Variants in B3GALNT2 observed in about 807,000 individuals in gnomAD.
The protein encoded by B3GALNT2 is UDP-GalNAc:beta-1,3-N-acetylgalactosaminyltransferase 2.
A neutral mutation model predicts 61.1 loss-of-function variants in B3GALNT2; 53 were observed. The ratio of observed to expected loss-of-function variants is 0.87; its 90% CI spans 0.70 to 1.09. B3GALNT2 has a LOEUF of 1.09. B3GALNT2 is among the 50% of genes least tolerant of loss of function. B3GALNT2 has a pLI of 0.00. For missense variants in B3GALNT2, 544 were observed against 623.0 expected, an observed-to-expected ratio of 0.87 and a Z score of 1.35; for synonymous variants, 223 against 237.4, an observed-to-expected ratio of 0.94 and a Z score of 0.56.
At chr1:235,496,684 T>C (rs568719265) in intron 1 of B3GALNT2, among the ~76,000 whole-genome samples, 12 of 151,988 alleles carry the variant, frequency 7.9e-5, no homozygotes, top group Non-Finnish European at 1.0e-4. Context: ...TAGCTGGGAT[T>C]ATAGGCGCCT....
At position 235,453,126 on chromosome 1, in the gene B3GALNT2, GC is replaced by G. The variant is rs1487260144; in HGVS notation, c.1331del (p.Gly444AlafsTer7). The G allele has an allele frequency of 3.1e-6, 5 of 1,612,826 alleles. No homozygotes were observed. The highest frequency in any genetic ancestry group is 4.2e-6 in the Non-Finnish European group (5 of 1,178,968). ...TAGGTCCTATGGCAGCCATCCAGATGCCCATGCTTACATCTTCACCCTATAC... is the reference window on the plus strand; with the variant it reads ...TAGGTCCTATGGCAGCCATCCAGATGCCATGCTTACATCTTCACCCTATAC... ...KTYQGEDVSM[G>X]IWMAAIGPKR... On this transcript the variant is annotated frameshift_variant, in exon 11 of 12. Transcript: ENST00000366600. LOFTEE classifies it high-confidence loss of function.
Position 235,448,545 on chromosome 1 carries a change from G to A in B3GALNT2, c.*1661C>T, listed in dbSNP as rs1682636900. On this transcript the variant is annotated 3_prime_UTR_variant, in exon 12 of 12. Coordinates refer to ENST00000366600, the MANE Select transcript of B3GALNT2 (RefSeq NM_152490.5). ...CAGTTTGATTCTAAATGGAGACCAT[G>A]GGTCTGTTTGTTTGATTTTAAGGGT... 4 of 1,388,284 alleles carry A rather than the reference G, an allele frequency of 2.9e-6. No individual in the cohort carries two copies. Among genetic ancestry groups the A allele is most frequent in the Non-Finnish European group, 4.1e-6 (4 of 974,936 alleles). The allele number at this position is 1,388,284 out of a possible 1,614,324, so 86.0% of individuals were successfully genotyped here.
intron 5 of B3GALNT2, among the ~76,000 whole-genome samples, chr1:235,473,442 A>G (rs996505202): frequency 1.3e-5 from 2 of 152,242 alleles, no homozygotes; most frequent in Admixed American, 1.3e-4. Flanking sequence ...GAGAGTGACG[A>G]TAACTCTCAT....
chr1:235,455,025 G>T (rs1683097884), intron 9 of B3GALNT2, among the ~76,000 whole-genome samples: 1 of 152,040 alleles, frequency 6.6e-6, no homozygotes, highest in Admixed American at 6.5e-5. Context: ...TATTTCTTTG[G>T]CATAAGAATA....
At chr1:235,474,966 TATATATATATATATATA>T (rs1684178934) in intron 5 of B3GALNT2, among the ~76,000 whole-genome samples, 2 of 25,962 alleles carry the variant, frequency 7.7e-5, no homozygotes, top group African/African-American at 4.5e-4. Flanking sequence ...TATATATATA[TATATATATATATATATA>T]TATATTTTTT....
In B3GALNT2 at chr1:235,448,192, T is replaced by C. The variant is rs568999435; in HGVS notation, c.*2014A>G. Among the ~76,000 whole-genome samples the C allele has an allele frequency of 7.0e-6, 1 of 143,638 alleles. No homozygotes were observed. The highest frequency in any genetic ancestry group is 2.0e-4 in the East Asian group (1 of 5,032). The allele number at this position is 143,638 out of a possible 152,430, so 94.2% of individuals were successfully genotyped here. ...TCCAGCCTGGGCGACAGAGCAAGAC[T>C]TACTTAAGTAAGTAAGTAAGTCAGT... is the stretch of plus-strand genomic sequence containing the variant. On this transcript the variant is annotated 3_prime_UTR_variant, in exon 12 of 12. Transcript: ENST00000366600.
In B3GALNT2 at chr1:235,480,130, C is replaced by G. The variant is rs201345883; in HGVS notation, c.575G>C (p.Arg192Pro). The change falls in exon 5 of 12, where the codon CGC becomes CCC. Residue 192 changes from arginine (R) to proline (P), a missense_variant. Transcript: ENST00000366600. Reference sequence around the variant, plus strand: ...CACACCACAGCTTGGAGGACTGAAGCGAGCAATGAAGAGGGCCTCCTACAA... The same window carrying G: ...CACACCACAGCTTGGAGGACTGAAGGGAGCAATGAAGAGGGCCTCCTACAA... ...AEQEEALFIA[R>P]FSPPSCGVQV... 6.2e-7 allele frequency: 1 copy of G among 1,613,626 alleles called. No individual in the cohort carries two copies. Among genetic ancestry groups the G allele is most frequent in the South Asian group, 1.1e-5 (1 of 91,038 alleles).
intron 1 of B3GALNT2, among the ~76,000 whole-genome samples, chr1:235,498,332 A>G (rs184222913): frequency 4.6e-5 from 7 of 152,348 alleles, no homozygotes; most frequent in Non-Finnish European, 7.3e-5. Context: ...GGTAAGAAGT[A>G]AACATGATAC....
intron 1 of B3GALNT2, among the ~76,000 whole-genome samples, chr1:235,495,151 G>A (rs1173529652): frequency 6.6e-6 from 1 of 152,170 alleles, no homozygotes; most frequent in East Asian, 1.9e-4. Flanking sequence ...GGCATTAAGA[G>A]TCAATTAGGC....
intron 1 of B3GALNT2, among the ~76,000 whole-genome samples, chr1:235,501,321 T>C (rs551804009): frequency 6.6e-6 from 1 of 152,300 alleles, no homozygotes; most frequent in Admixed American, 6.5e-5. Flanking sequence ...AGGGAACCTA[T>C]CACATTAAAA....
intron 1 of B3GALNT2, among the ~76,000 whole-genome samples, chr1:235,503,744 G>C (rs1050683947): frequency 3.5e-5 from 5 of 144,664 alleles, no homozygotes; most frequent in South Asian, 4.8e-4. Context: ...CAACAACTTG[G>C]GGGGGAAGAA....
intron 1 of B3GALNT2, among the ~76,000 whole-genome samples, chr1:235,503,695 A>G (rs1558449413): frequency 6.6e-6 from 1 of 152,224 alleles, no homozygotes; most frequent in Non-Finnish European, 1.5e-5. Context: ...CACACACATT[A>G]TCCACGGCAC....
chr1:235,481,885 C>T (rs543434756), intron 4 of B3GALNT2, among the ~76,000 whole-genome samples: 3 of 152,246 alleles, frequency 2.0e-5, no homozygotes, highest in African/African-American at 7.2e-5. Flanking sequence ...CTACTCTTCC[C>T]TCTGTCTTAT....
intron 5 of B3GALNT2, among the ~76,000 whole-genome samples, chr1:235,476,546 T>C (rs932964179): frequency 3.7e-4 from 56 of 151,862 alleles, no homozygotes; most frequent in African/African-American, 1.3e-3. Context: ...CACACCCATC[T>C]GTACAAGAAA....
At chr1:235,466,607 G>C (rs992319998) in intron 6 of B3GALNT2, among the ~76,000 whole-genome samples, 3 of 151,674 alleles carry the variant, frequency 2.0e-5, no homozygotes. Context: ...CTCCCGCCTC[G>C]GTCTCCCAAA....
intron 7 of B3GALNT2, among the ~76,000 whole-genome samples, chr1:235,461,574 T>C (rs915220730): frequency 2.3e-5 from 3 of 131,828 alleles, no homozygotes; most frequent in African/African-American, 8.7e-5. Context: ...TGGAGTGCAG[T>C]AGCGCTATCT....
At chr1:235,480,200 C>T (rs1207408620) in intron 4 of B3GALNT2, 51 bp from the exon 5 acceptor site, 1 of 1,600,794 alleles carries the variant, frequency 6.2e-7, no homozygotes, top group East Asian at 2.2e-5. Context: ...TTATACATTG[C>T]ATATGCAAAA....
intron 3 of B3GALNT2, among the ~76,000 whole-genome samples, chr1:235,486,086 G>A (rs1684792502): frequency 1.3e-5 from 1 of 75,006 alleles, no homozygotes; most frequent in South Asian, 3.4e-4. Context: ...GCAAGACCCT[G>A]TCTCAAAAAA....
chr1:235,501,020 C>G (rs1024971419), intron 1 of B3GALNT2, among the ~76,000 whole-genome samples: 1 of 152,232 alleles, frequency 6.6e-6, no homozygotes, highest in African/African-American at 2.4e-5. Context: ...AGGCATCCAG[C>G]ACAGAATCTA....
Sources: gnomAD v4.1 joint callset for allele counts (sites outside exome capture counted in the v4.1 genomes callset) on GRCh38, gnomAD v4.1.1 for gene constraint, MANE v1.5 for transcripts, NCBI Gene and HGNC (gene_info 2026-07-23, HGNC 2026-07-21) for gene names.